The following CD53 variants were observed in gnomAD, a reference collection of about 807,000 sequenced individuals.
The protein encoded by CD53 is leukocyte surface antigen CD53.
In CD53, 20 loss-of-function variants were observed where a neutral mutation model predicts 27.3. The ratio of observed to expected loss-of-function variants is 0.73; its 90% CI spans 0.52 to 1.07. The LOEUF is 1.07. Ranked by LOEUF, CD53 falls within the 50% of genes least tolerant of loss-of-function variation. The pLI is 0.00. For missense variants in CD53, 216 were observed against 264.0 expected (o/e 0.82, Z 1.26); for synonymous variants, 106 against 105.3 (o/e 1.01, Z -0.04).
intron 1 of CD53, among the ~76,000 whole-genome samples, chr1:110,877,638 T>C (rs1207840089): frequency 6.6e-6 from 1 of 152,228 alleles, no homozygotes; most frequent in Non-Finnish European, 1.5e-5. Flanking sequence ...TTCTTCCTTA[T>C]TTCTCTCTTC....
upstream of CD53, among the ~76,000 whole-genome samples, chr1:110,871,643 A>C (rs1655970406): frequency 6.6e-6 from 1 of 152,178 alleles, no homozygotes; most frequent in Non-Finnish European, 1.5e-5. Context: ...TGAGATAATT[A>C]GGAAAATATG....
intron 1 of CD53, among the ~76,000 whole-genome samples, chr1:110,890,396 G>A (rs1000726465): frequency 4.6e-5 from 7 of 151,976 alleles, no homozygotes; most frequent in South Asian, 2.1e-4. Flanking sequence ...GTGAAACTTC[G>A]TTTCTACTAA....
At chr1:110,871,222 A>G (rs989154306), upstream of CD53, among the ~76,000 whole-genome samples, 2 of 152,214 alleles carry the variant, frequency 1.3e-5, no homozygotes, top group African/African-American at 4.8e-5. Flanking sequence ...AGAAACATCC[A>G]AGGTGGTCTT....
At chr1:110,878,960 T>G (rs1489687036) in intron 1 of CD53, among the ~76,000 whole-genome samples, 1 of 151,742 alleles carries the variant, frequency 6.6e-6, no homozygotes, top group Non-Finnish European at 1.5e-5. Context: ...ATTTAACATT[T>G]TCAATTTGTT....
chr1:110,884,001 C>T (rs1467277102), intron 1 of CD53, among the ~76,000 whole-genome samples: 3 of 151,758 alleles, frequency 2.0e-5, no homozygotes, highest in African/African-American at 7.3e-5. Flanking sequence ...TAAAATTGTT[C>T]TTCTGTTTAA....
intron 3 of CD53, among the ~76,000 whole-genome samples, chr1:110,893,405 C>T (rs2101062211): frequency 6.6e-6 from 1 of 152,310 alleles, no homozygotes; most frequent in South Asian, 2.1e-4. Flanking sequence ...TCACCACAGC[C>T]TCCGCCTCCC....
Position 110,887,178 on chromosome 1 carries a change from C to T in CD53, c.-17-4214C>T, listed in dbSNP as rs376129065. Among the ~76,000 whole-genome samples, 9 of 152,062 alleles carry T rather than the reference C, an allele frequency of 5.9e-5. No homozygotes were observed. In the East Asian group the frequency reaches 1.2e-3, roughly 20 times the overall value. ...TCCCGGGTTCACGCCATTCTCCTGC[C>T]TCAGCCTCCCGAGTAGCTGGGACTA... On this transcript the variant is annotated intron_variant, in intron 1 of 7. Coordinates refer to ENST00000271324, the MANE Select transcript of CD53 (RefSeq NM_000560.4).
intron 1 of CD53, among the ~76,000 whole-genome samples, chr1:110,883,227 G>A (rs551296497): frequency 3.9e-5 from 6 of 151,938 alleles, no homozygotes; most frequent in African/African-American, 1.2e-4. Context: ...TTGCATAAGC[G>A]TTCTTCTATT....
chr1:110,880,796 T>C (rs1656325134), intron 1 of CD53, among the ~76,000 whole-genome samples: 1 of 152,252 alleles, frequency 6.6e-6, no homozygotes, highest in Middle Eastern at 3.4e-3. Flanking sequence ...TAGTCACTTA[T>C]AAAACAAAAT....
chr1:110,890,789 CTGT>C (rs1049457824), intron 1 of CD53, among the ~76,000 whole-genome samples: 19 of 152,332 alleles, frequency 1.2e-4, no homozygotes, highest in African/African-American at 4.6e-4. Context: ...TGCTGTAAGA[CTGT>C]TGTCTTCTGG....
intron 1 of CD53, among the ~76,000 whole-genome samples, chr1:110,890,180 A>T (rs1481870365): frequency 6.6e-6 from 1 of 152,162 alleles, no homozygotes; most frequent in African/African-American, 2.4e-5. Flanking sequence ...AATGGAAAAA[A>T]ATCACTGCCC....
chr1:110,887,095 G>A (rs1040975490), intron 1 of CD53, among the ~76,000 whole-genome samples: 11 of 106,632 alleles, frequency 1.0e-4, no homozygotes, highest in South Asian at 8.5e-4. Flanking sequence ...ACGGAGTCTC[G>A]CTCTGTCACC....
chr1:110,897,427 G>T (rs1657114882), intron 6 of CD53, among the ~76,000 whole-genome samples: 1 of 152,230 alleles, frequency 6.6e-6, no homozygotes, highest in South Asian at 2.1e-4. Context: ...TGGATTTACT[G>T]AATGTTGAAG....
chr1:110,899,150 C>T lies in CD53; in HGVS notation c.615C>T (p.Thr205=), dbSNP rs774533965. 1 of 1,613,830 alleles carries T rather than the reference C, an allele frequency of 6.2e-7. No individual in the cohort carries two copies. Among genetic ancestry groups the T allele is most frequent in the Non-Finnish European group, 8.5e-7 (1 of 1,179,816 alleles). Residue 205 remains threonine, a synonymous_variant, in exon 8 of 8, where the codon ACC becomes ACT. Coordinates refer to ENST00000271324, the MANE Select transcript of CD53 (RefSeq NM_000560.4). ...TGTTGGGGATGTCCTTTGCACTGAC[C>T]CTGAACTGCCAGATTGACAAAACCA... ...IEVLGMSFAL[T]LNCQIDKTSQ... is the part of the protein sequence containing the mutation.
chr1:110,877,871 C>T (rs191467213), intron 1 of CD53, among the ~76,000 whole-genome samples: 467 of 152,280 alleles, frequency 3.1e-3, no homozygotes, highest in Middle Eastern at 0.01. Flanking sequence ...GGACGTACAG[C>T]GATAACTTTG....
intron 6 of CD53, 61 bp from the exon 7 acceptor site, chr1:110,897,748 A>G: frequency 9.9e-7 from 1 of 1,009,476 alleles, no homozygotes; most frequent in East Asian, 2.4e-5. Flanking sequence ...TCTTCCAAAT[A>G]CTTCCTCTTG....
chr1:110,891,330 A>C (rs1216014996), intron 1 of CD53, 62 bp from the exon 2 acceptor site: 3 of 1,117,202 alleles, frequency 2.7e-6, no homozygotes, highest in Non-Finnish European at 4.1e-6. Flanking sequence ...ACATTTGTGC[A>C]CTCTGATCTC....
At chr1:110,877,341 G>A (rs1210169987) in intron 1 of CD53, among the ~76,000 whole-genome samples, 4 of 152,192 alleles carry the variant, frequency 2.6e-5, no homozygotes. Flanking sequence ...TGCTTAATCT[G>A]AGCATAGCCA....
chr1:110,882,176 G>C (rs565249226), intron 1 of CD53, among the ~76,000 whole-genome samples: 1 of 152,006 alleles, frequency 6.6e-6, no homozygotes, highest in African/African-American at 2.4e-5. Context: ...AGAACTCTTT[G>C]CATAACCAAG....
Sources: allele counts gnomAD v4.1 joint callset (sites outside exome capture counted in the v4.1 genomes callset), GRCh38; gene constraint gnomAD v4.1.1; transcripts MANE v1.5; gene names NCBI Gene and HGNC (gene_info 2026-07-23, HGNC 2026-07-21).